The following MAPK10 variants were observed in gnomAD, a reference collection of about 807,000 sequenced individuals.
MAPK10 encodes the protein mitogen-activated protein kinase 10, also known as JNK3 alpha protein kinase.
Under a neutral mutation model 59.3 loss-of-function variants are expected in MAPK10, and 25 were observed. That is an observed-to-expected ratio of 0.42 (90% CI 0.31 to 0.59). The LOEUF (loss-of-function observed/expected upper bound fraction) is 0.59, where lower values mean the gene tolerates loss of function less well. MAPK10 is among the 20% of genes least tolerant of loss of function. The pLI, the probability that MAPK10 is intolerant of heterozygous loss-of-function variation, is 0.15. For synonymous variants in MAPK10, 190 were observed against 200.5 expected (o/e 0.95, Z 0.44); for missense variants, 351 against 568.9 (o/e 0.62, Z 3.90).
chr4:86,570,529 C>T (rs1300824558), intron 1 of MAPK10, among the ~76,000 whole-genome samples: 1 of 151,904 alleles, frequency 6.6e-6, no homozygotes, highest in Non-Finnish European at 1.5e-5. Flanking sequence ...TATATAAGTA[C>T]CTACAGAATA....
chr4:86,380,865 A>G (rs1379048653), intron 1 of MAPK10, among the ~76,000 whole-genome samples: 1 of 151,640 alleles, frequency 6.6e-6, no homozygotes, highest in Non-Finnish European at 1.5e-5. Context: ...GCATTAAAAA[A>G]AAAAAAAAAA....
chr4:86,516,873 C>T (rs1279707313), intron 1 of MAPK10, among the ~76,000 whole-genome samples: 1 of 152,160 alleles, frequency 6.6e-6, no homozygotes, highest in Non-Finnish European at 1.5e-5. Flanking sequence ...GACAGTTTGA[C>T]TTTCTCTTTA....
At chr4:86,288,238 T>C (rs1043539279) in intron 2 of MAPK10, among the ~76,000 whole-genome samples, 6 of 151,880 alleles carry the variant, frequency 4.0e-5, no homozygotes, top group African/African-American at 1.5e-4. Flanking sequence ...GTTAGTTACA[T>C]ATGTATACAT....
rs183812528 is a variant in MAPK10 at position 86,561,726 on chromosome 4, G to C, written c.-263+32184C>G. Among the ~76,000 whole-genome samples, 137 of 152,282 alleles carry C rather than the reference G, an allele frequency of 9.0e-4. 3 individuals are homozygous for C. The East Asian group carries it at 0.015, about 17-fold the overall frequency. On this transcript the variant is annotated intron_variant, in intron 1 of 4. Transcript: ENST00000502302. The stretch of plus-strand genomic sequence containing the variant: ...GTAGATGAAACAGATAATTAAGGAG[G>C]TTATTTATTCATTATAAAACACTTT...
At chr4:86,170,633 T>G (rs2073826623) in intron 3 of MAPK10, among the ~76,000 whole-genome samples, 1 of 151,954 alleles carries the variant, frequency 6.6e-6, no homozygotes, top group South Asian at 2.1e-4. Flanking sequence ...TGGGAGACTT[T>G]AACACCCCAC....
Position 86,017,062 on chromosome 4 carries a change from G to GT in MAPK10, c.*165_*166insA. On this transcript the variant is annotated 3_prime_UTR_variant, in exon 14 of 14. Coordinates refer to ENST00000641462, the MANE Select transcript of MAPK10 (RefSeq NM_138982.4). The surrounding 1 kb of genome is among the most constrained non-coding windows in gnomAD (Gnocchi z 4.4). ...CTTAGCTGCAATACAGAACCCTGGG[G>GT]AAGAAGCAGGCTGAAAGATTTATTT... 1.4e-6 allele frequency: 1 copy of GT among 720,648 alleles called. No individual in the cohort carries two copies. Among genetic ancestry groups the GT allele is most frequent in the Non-Finnish European group, 2.2e-6 (1 of 450,048 alleles). The allele number at this position is 720,648 out of a possible 1,614,324, so 44.6% of individuals were successfully genotyped here.
rs917046650 is a variant in MAPK10, at chr4:86,064,390, G to A, written c.986C>T (p.Ala329Val). The stretch of plus-strand genomic sequence containing the variant: ...TGACAACAAGTCCCTGGCTTGGCTG[G>A]CTGAAACAATAAATGAGAAAAACAA... ...PADSEHNKLK[A>V]SQARDLLSKM... Residue 329 changes from alanine (A) to valine (V), a missense_variant and splice_region_variant, in exon 11 of 14, where the codon GCC becomes GTC. Physicochemically the swap from Ala to Val is moderately conservative, Grantham distance 64. Around this residue, in one of 5 missense-constraint regions of MAPK10, gnomAD observed 155 missense variants for 204.2 expected, o/e 0.76. Coordinates refer to ENST00000641462, the MANE Select transcript of MAPK10 (RefSeq NM_138982.4). 6.2e-7 allele frequency: 1 copy of A among 1,612,852 alleles called. No homozygotes were observed. Among genetic ancestry groups the A allele is most frequent in the Admixed American group, 1.7e-5 (1 of 59,686 alleles).
intron 2 of MAPK10, among the ~76,000 whole-genome samples, chr4:86,250,796 C>G (rs569460275): frequency 6.6e-6 from 1 of 152,250 alleles, no homozygotes; most frequent in African/African-American, 2.4e-5. Context: ...TCTCAAAGAG[C>G]CAGACTGATT....
intron 2 of MAPK10, among the ~76,000 whole-genome samples, chr4:86,213,797 A>T (rs2086552106): frequency 6.6e-6 from 1 of 152,112 alleles, no homozygotes; most frequent in Non-Finnish European, 1.5e-5. Context: ...CCATACAAAG[A>T]AGAACTAACT....
chr4:86,210,637 T>C (rs1472427044), intron 2 of MAPK10, among the ~76,000 whole-genome samples: 1 of 151,634 alleles, frequency 6.6e-6, no homozygotes, highest in Non-Finnish European at 1.5e-5. Context: ...CATGTACTCA[T>C]GAAAATTAAA....
chr4:86,380,983 C>T (rs1283253172), intron 1 of MAPK10, among the ~76,000 whole-genome samples: 6 of 152,124 alleles, frequency 3.9e-5, no homozygotes, highest in Admixed American at 3.9e-4. Context: ...TAACAACCCT[C>T]AGTAGGTTGA....
At chr4:86,255,127 G>A (rs7680934) in intron 2 of MAPK10, among the ~76,000 whole-genome samples, 49,684 of 151,914 alleles carry the variant, frequency 0.33, 11,030 homozygotes, top group African/African-American at 0.63. Flanking sequence ...AATTGGAGAT[G>A]TGGTAGGATC....
intron 1 of MAPK10, among the ~76,000 whole-genome samples, chr4:86,571,327 C>CAT (rs1761432493): frequency 7.2e-6 from 1 of 139,646 alleles, no homozygotes; most frequent in Non-Finnish European, 1.6e-5. Flanking sequence ...TATATATATA[C>CAT]GTGTGTGTGT....
At chr4:86,403,236 G>T (rs1026398987) in intron 1 of MAPK10, among the ~76,000 whole-genome samples, 26 of 152,092 alleles carry the variant, frequency 1.7e-4, no homozygotes, top group African/African-American at 6.0e-4. Context: ...GAAATACCTG[G>T]CCAGGTGTGG....
intron 2 of MAPK10, among the ~76,000 whole-genome samples, chr4:86,353,693 C>G (rs143086926): frequency 1.6e-4 from 25 of 152,240 alleles, no homozygotes; most frequent in Admixed American, 3.9e-4. Context: ...CATTAATTCA[C>G]AGGGCAGCCT....
intron 1 of MAPK10, among the ~76,000 whole-genome samples, chr4:86,436,632 A>G (rs1255572787): frequency 6.6e-6 from 1 of 152,176 alleles, no homozygotes; most frequent in Non-Finnish European, 1.5e-5. Flanking sequence ...AGCTAAATGT[A>G]CTTAATTCTA....
chr4:86,565,270 C>T (rs2149105978), intron 1 of MAPK10, among the ~76,000 whole-genome samples: 1 of 152,284 alleles, frequency 6.6e-6, no homozygotes, highest in South Asian at 2.1e-4. Flanking sequence ...ATCCTCATTT[C>T]CTACTTTGCT....
chr4:86,073,359 G>A (rs1334772170), intron 9 of MAPK10, among the ~76,000 whole-genome samples: 2 of 151,834 alleles, frequency 1.3e-5, no homozygotes, highest in African/African-American at 4.8e-5. Flanking sequence ...TGGATTCACT[G>A]ATCTTTTGAA....
intron 2 of MAPK10, among the ~76,000 whole-genome samples, chr4:86,295,709 ATG>A (rs2095343077): frequency 1.3e-5 from 2 of 148,194 alleles, no homozygotes. Context: ...AGTTTCATAT[ATG>A]TCTTTATATA....
Sources: gnomAD v4.1 joint callset for allele counts (sites outside exome capture counted in the v4.1 genomes callset) on GRCh38, gnomAD v4.1.1 for gene constraint, gnomAD v4.1.1 regional missense constraint, Gnocchi (gnomAD v3.1) non-coding constraint, MANE v1.5 for transcripts, NCBI Gene and HGNC (gene_info 2026-07-23, HGNC 2026-07-21) for gene names.